The following LMNB2 variants were observed in gnomAD, a reference collection of about 807,000 sequenced individuals.
LMNB2 encodes the protein lamin B2, also known as lamin-B2.
LMNB2 carries 17 observed loss-of-function variants against 69.3 expected under a neutral mutation model. The observed-to-expected ratio is 0.25, with a 90% confidence interval of 0.17 to 0.37. The LOEUF (loss-of-function observed/expected upper bound fraction) is 0.37. LMNB2 is among the 10% of genes least tolerant of loss of function. The probability of loss-of-function intolerance (pLI) is 1.00; values close to 1 mark genes in which losing one functional copy is unlikely to be tolerated. For synonymous variants in LMNB2, 397 were observed against 389.3 expected (o/e 1.02, Z -0.23); for missense variants, 789 against 883.6 (o/e 0.89, Z 1.36).
intron 1 of LMNB2, among the ~76,000 whole-genome samples, chr19:2,452,711 G>C (rs191767808): frequency 1.3e-5 from 2 of 152,304 alleles, no homozygotes; most frequent in African/African-American, 4.8e-5. Context: ...GGGCGACAGA[G>C]TGAGACTCTA....
rs1411129074 is a variant in LMNB2, at chr19:2,430,543, C to T, written c.*368G>A. ...AACCCACCACCACTGAATTCCTACGCAGTTTCCGCGCTCCGTCCGCAGCAG... is the reference window on the plus strand; with the variant it reads ...AACCCACCACCACTGAATTCCTACGTAGTTTCCGCGCTCCGTCCGCAGCAG... On this transcript the variant is annotated 3_prime_UTR_variant, in exon 12 of 12. Coordinates refer to ENST00000325327, the MANE Select transcript of LMNB2 (RefSeq NM_032737.4). 2.2e-5 allele frequency: 8 copies of T among 365,856 alleles called. No individual in the cohort carries two copies. The highest frequency in any genetic ancestry group is 2.0e-4 in the East Asian group (3 of 15,190). The allele number at this position is 365,856 out of a possible 1,614,324, so 22.7% of individuals were successfully genotyped here.
At chr19:2,441,987 C>T (rs1971905029) in intron 2 of LMNB2, among the ~76,000 whole-genome samples, 2 of 152,200 alleles carry the variant, frequency 1.3e-5, no homozygotes, top group Admixed American at 6.5e-5. Flanking sequence ...AGGGCACACC[C>T]AGAAGGCAGG....
intron 2 of LMNB2, 104 bp from the exon 3 acceptor site, chr19:2,438,635 C>T: frequency 2.2e-6 from 3 of 1,389,166 alleles, no homozygotes; most frequent in Non-Finnish European, 2.9e-6. Context: ...GTCACCGAGG[C>T]CTCCGAGCCC....
chr19:2,445,305 G>A lies in LMNB2; in HGVS notation c.265-765C>T, dbSNP rs566556868. The stretch of plus-strand genomic sequence containing the variant: ...CCAAGATCCCCCACTTCTGCCAACC[G>A]GGGGCCAGCCCGTGCCCCTCTGTGC... On this transcript the variant is annotated intron_variant, in intron 1 of 11. Coordinates refer to ENST00000325327, the MANE Select transcript of LMNB2 (RefSeq NM_032737.4). 1.3e-3 allele frequency among the ~76,000 whole-genome samples: 190 copies of A among 145,376 alleles called. 1 individual carries two copies. The highest frequency in any genetic ancestry group is 4.7e-3 in the African/African-American group (185 of 39,196).
chr19:2,431,529 G>C lies in LMNB2; in HGVS notation c.1821+19C>G. On this transcript the variant is annotated intron_variant, in intron 11 of 11. Coordinates refer to ENST00000325327, the MANE Select transcript of LMNB2 (RefSeq NM_032737.4). The stretch of plus-strand genomic sequence containing the variant: ...CCCAGAGGCTGCCCCCCAGCCGCAA[G>C]TGGGCACAGGGGTCCTACCTGTTGG... The C allele has an allele frequency of 6.2e-7, 1 of 1,613,990 alleles. No homozygotes were observed. Among genetic ancestry groups the C allele is most frequent in the Non-Finnish European group, 8.5e-7 (1 of 1,179,902 alleles).
Position 2,438,266 on chromosome 19 carries a change from G to T in LMNB2, c.581C>A (p.Ala194Asp). 1 of 1,614,052 alleles carries T rather than the reference G, an allele frequency of 6.2e-7. No homozygotes were observed. The highest frequency in any genetic ancestry group is 1.1e-5 in the South Asian group (1 of 91,090). ...CGTCTCCTTCTCCAGCTGCTTTTTG[G>T]CCACTGCATGACCGTCCTCGGCCTG... is the stretch of plus-strand genomic sequence containing the variant. ...LAKAEDGHAVAKKQLEKETLM... is the reference protein window; with the variant it reads ...LAKAEDGHAVDKKQLEKETLM... Residue 194 changes from alanine (A) to aspartate (D), a missense_variant, in exon 4 of 12, where the codon GCC becomes GAC. Coordinates refer to ENST00000325327, the MANE Select transcript of LMNB2 (RefSeq NM_032737.4).
At chr19:2,445,390 G>A (rs1351686835) in intron 1 of LMNB2, among the ~76,000 whole-genome samples, 2 of 152,104 alleles carry the variant, frequency 1.3e-5, no homozygotes, top group South Asian at 2.1e-4. Flanking sequence ...CTGGGATGGA[G>A]GGAGGAGCAT....
rs777408921 is a variant in LMNB2 at position 2,432,466 on chromosome 19, C to T, written c.1540G>A (p.Ala514Thr). ...ATGTACTTGGGCGTGAACTTGTAGG[C>T]GATCTCCTCCCCCTCCAAGACCTGC... ...KRQVLEGEEI[A>T]YKFTPKYILR... The change falls in exon 9 of 12, where the codon GCC (alanine) becomes ACC (threonine). Residue 514 changes from alanine (A) to threonine (T), a missense_variant. This residue lies in a region of LMNB2 where 609 missense variants were observed against 630.9 expected (regional missense o/e 0.97). Transcript: ENST00000325327. 3.8e-5 allele frequency: 62 copies of T among 1,613,694 alleles called. No homozygotes were observed. The highest frequency in any genetic ancestry group is 5.0e-5 in the Non-Finnish European group (59 of 1,179,934).
chr19:2,450,346 G>C (rs1389455414), intron 1 of LMNB2, among the ~76,000 whole-genome samples: 2 of 152,022 alleles, frequency 1.3e-5, no homozygotes, highest in African/African-American at 4.8e-5. Context: ...ATAGTGGATG[G>C]GGTCTTGGGG....
At chr19:2,435,774 C>T (rs1234940433) in intron 4 of LMNB2, among the ~76,000 whole-genome samples, 3 of 150,960 alleles carry the variant, frequency 2.0e-5, no homozygotes, top group Admixed American at 2.0e-4. Context: ...GCCAGGATCG[C>T]ACCATTGCAC....
chr19:2,439,356 G>T (rs1971867275), intron 2 of LMNB2, among the ~76,000 whole-genome samples: 1 of 151,784 alleles, frequency 6.6e-6, no homozygotes, highest in African/African-American at 2.4e-5. Context: ...GGGTTCTGCA[G>T]CGTCACAACT....
At chr19:2,452,105 T>A (rs1229993478) in intron 1 of LMNB2, among the ~76,000 whole-genome samples, 1 of 151,190 alleles carries the variant, frequency 6.6e-6, no homozygotes, top group Non-Finnish European at 1.5e-5. Context: ...CAAATACCCA[T>A]CTGGCCAGCC....
intron 1 of LMNB2, among the ~76,000 whole-genome samples, chr19:2,451,530 G>A (rs1357293064): frequency 2.0e-5 from 3 of 152,206 alleles, no homozygotes; most frequent in African/African-American, 7.2e-5. Context: ...AAGACCCTTT[G>A]AGCCTGCGGA....
chr19:2,449,037 C>T (rs986254713), intron 1 of LMNB2, among the ~76,000 whole-genome samples: 6 of 152,164 alleles, frequency 3.9e-5, no homozygotes, highest in African/African-American at 1.4e-4. Context: ...TATAGGCACA[C>T]ATACTACTAT....
At chr19:2,442,682 G>T (rs1241927002) in intron 2 of LMNB2, among the ~76,000 whole-genome samples, 1 of 152,124 alleles carries the variant, frequency 6.6e-6, no homozygotes, top group East Asian at 1.9e-4. Context: ...GGGAGTTCGA[G>T]GCTGCAGCGA....
intron 1 of LMNB2, 45 bp downstream of exon 1, chr19:2,456,625 C>A (rs756861862): frequency 1.9e-5 from 27 of 1,426,310 alleles, no homozygotes; most frequent in Non-Finnish European, 2.5e-5. Context: ...GTGGGCGGGG[C>A]CTGCCGGCTG....
Position 2,434,096 on chromosome 19 carries a change from C to A in LMNB2, c.1212G>T (p.Leu404=). 6.3e-7 allele frequency: 1 copy of A among 1,585,786 alleles called. No homozygotes were observed. Among genetic ancestry groups the A allele is most frequent in the South Asian group, 1.1e-5 (1 of 88,582 alleles). ...TGACGCGCGAGGATGGGCTGGGGGA[C>A]AGCTTCAGCCTGTGGGGAAGGCAAG... ...LLEGEEERLK[L]SPSPSSRVTV... is the part of the protein sequence containing the mutation. The change falls in exon 8 of 12, where the codon CTG becomes CTT. Residue 404 remains leucine, a synonymous_variant. Transcript: ENST00000325327.
In LMNB2 at chr19:2,434,338, CCATGTCCAGGGCCAGCTT is replaced by C; in HGVS notation, c.1141_1158del (p.Lys381_Met386del). On this transcript the variant is annotated inframe_deletion, in exon 7 of 12. Transcript: ENST00000325327. ...AGGAGCTTCCGGTAGGCGTTGATCT[CCATGTCCAGGGCCAGCTT>C]CACGTCCAGCAGCTCCTGGTACTCG... The C allele has an allele frequency of 6.2e-7, 1 of 1,613,220 alleles. No homozygotes were observed. The highest frequency in any genetic ancestry group is 8.5e-7 in the Non-Finnish European group (1 of 1,179,990).
intron 1 of LMNB2, among the ~76,000 whole-genome samples, chr19:2,451,658 G>A (rs547166278): frequency 1.3e-5 from 2 of 152,334 alleles, no homozygotes; most frequent in African/African-American, 4.8e-5. Context: ...AGGCTTGAGG[G>A]AAGTCAACAA....
Sources: gnomAD v4.1 joint callset for allele counts (sites outside exome capture counted in the v4.1 genomes callset) on GRCh38, gnomAD v4.1.1 for gene constraint, gnomAD v4.1.1 regional missense constraint, MANE v1.5 for transcripts, NCBI Gene and HGNC (gene_info 2026-07-23, HGNC 2026-07-21) for gene names.